EXOC4: variants seen among roughly 807,000 people sequenced by gnomAD.
EXOC4 encodes the protein exocyst complex component 4.
EXOC4 carries 71 observed loss-of-function variants against 107.2 expected under a neutral mutation model. The observed-to-expected ratio is 0.66, with a 90% CI of 0.55 to 0.81. EXOC4 has a LOEUF of 0.81. EXOC4 is among the 30% of genes least tolerant of loss of function. The pLI is 0.00. For synonymous variants in EXOC4, 456 were observed against 441.2 expected (o/e 1.03, Z -0.42); for missense variants, 1,108 against 1,189.6 (o/e 0.93, Z 1.01).
intron 6 of EXOC4, among the ~76,000 whole-genome samples, chr7:133,364,567 G>A (rs1017768725): frequency 6.6e-6 from 1 of 152,108 alleles, no homozygotes; most frequent in African/African-American, 2.4e-5. Flanking sequence ...CTAGAGAGTT[G>A]GAAATGCAAA....
rs534443513 is a variant in EXOC4 at position 133,469,702 on chromosome 7, C to T, written c.1183-5626C>T. Among the ~76,000 whole-genome samples, 4 of 152,236 alleles carry T rather than the reference C, an allele frequency of 2.6e-5. No individual in the cohort carries two copies. The East Asian group carries it at 5.8e-4, about 22-fold the overall frequency. ...AACTCATAGGGTAGAAAATCTTTGACCCTATCAGCAACTGGATGTGAGACC... is the reference window on the plus strand; with the variant it reads ...AACTCATAGGGTAGAAAATCTTTGATCCTATCAGCAACTGGATGTGAGACC... On this transcript the variant is annotated intron_variant, in intron 7 of 17. Coordinates refer to ENST00000253861, the MANE Select transcript of EXOC4 (RefSeq NM_021807.4).
At chr7:133,253,487 T>C in intron 1 of EXOC4, 1 of 1,121,816 alleles carries the variant, frequency 8.9e-7, no homozygotes, top group Non-Finnish European at 1.1e-6. Context: ...GAAAACCAGG[T>C]GTAAAGGTGT....
intron 17 of EXOC4, among the ~76,000 whole-genome samples, chr7:134,014,358 G>A (rs969618826): frequency 3.3e-5 from 5 of 152,128 alleles, no homozygotes; most frequent in African/African-American, 1.2e-4. Context: ...AGCCGAGATC[G>A]TGCCACTGCA....
chr7:133,578,039 C>T (rs1467900150), intron 9 of EXOC4, among the ~76,000 whole-genome samples: 4 of 152,106 alleles, frequency 2.6e-5, no homozygotes, highest in African/African-American at 9.7e-5. Context: ...TAATAACCCC[C>T]TAATAAATAG....
chr7:133,737,395 C>CTTT (rs1044229464), intron 10 of EXOC4, among the ~76,000 whole-genome samples: 1 of 149,326 alleles, frequency 6.7e-6, no homozygotes. Context: ...AGCCTTTAAA[C>CTTT]TTTTTTTTTT....
intron 9 of EXOC4, among the ~76,000 whole-genome samples, chr7:133,593,184 C>T (rs1801589619): frequency 6.6e-6 from 1 of 152,166 alleles, no homozygotes; most frequent in Non-Finnish European, 1.5e-5. Flanking sequence ...CAATTCTGTA[C>T]CATAGTAAGC....
intron 14 of EXOC4, among the ~76,000 whole-genome samples, chr7:133,990,455 T>G (rs1324658181): frequency 6.6e-6 from 1 of 152,112 alleles, no homozygotes; most frequent in Non-Finnish European, 1.5e-5. Flanking sequence ...TTTTATTCTT[T>G]TTGTTTGTTT....
At chr7:133,865,867 C>T (rs559681671) in intron 11 of EXOC4, among the ~76,000 whole-genome samples, 7 of 152,144 alleles carry the variant, frequency 4.6e-5, no homozygotes, top group Non-Finnish European at 7.3e-5. Flanking sequence ...CACTGAAGAT[C>T]GTAATTCAAT....
chr7:133,641,800 G>A (rs1447285174), intron 10 of EXOC4, among the ~76,000 whole-genome samples: 1 of 152,138 alleles, frequency 6.6e-6, no homozygotes, highest in Non-Finnish European at 1.5e-5. Context: ...TACAAAAATA[G>A]GCCACTAAAT....
At chr7:134,032,475 A>G (rs1486657847) in intron 17 of EXOC4, among the ~76,000 whole-genome samples, 5 of 152,074 alleles carry the variant, frequency 3.3e-5, no homozygotes, top group African/African-American at 7.2e-5. Context: ...TGCAGGAGCT[A>G]TTTCCCCTGC....
intron 12 of EXOC4, among the ~76,000 whole-genome samples, chr7:133,908,030 A>G (rs1041802269): frequency 3.9e-5 from 6 of 152,114 alleles, no homozygotes; most frequent in Non-Finnish European, 7.4e-5. Flanking sequence ...TTTCCAGTAC[A>G]TATCAGTTGC....
At chr7:133,405,620 C>G (rs1797199029) in intron 7 of EXOC4, among the ~76,000 whole-genome samples, 1 of 152,086 alleles carries the variant, frequency 6.6e-6, no homozygotes, top group African/African-American at 2.4e-5. Flanking sequence ...GGGATAATTT[C>G]CAGGCTCCTC....
intron 17 of EXOC4, among the ~76,000 whole-genome samples, chr7:134,042,579 C>T (rs577106133): frequency 7.2e-5 from 11 of 152,214 alleles, no homozygotes; most frequent in Non-Finnish European, 1.0e-4. Context: ...GCCAGGGAAC[C>T]GGATAAATTG....
At chr7:133,454,019 G>A (rs983028658) in intron 7 of EXOC4, among the ~76,000 whole-genome samples, 4 of 152,100 alleles carry the variant, frequency 2.6e-5, no homozygotes, top group Non-Finnish European at 4.4e-5. Context: ...AATTTTAACA[G>A]CACTGGCATT....
intron 10 of EXOC4, among the ~76,000 whole-genome samples, chr7:133,758,311 G>C (rs1017042704): frequency 6.6e-6 from 1 of 152,008 alleles, no homozygotes; most frequent in South Asian, 2.1e-4. Context: ...GCTAATTTTT[G>C]TATTTTTAAT....
chr7:133,394,971 G>C (rs1796938369), intron 7 of EXOC4, among the ~76,000 whole-genome samples: 2 of 151,988 alleles, frequency 1.3e-5, no homozygotes, highest in Admixed American at 1.3e-4. Flanking sequence ...TGCTGTATTT[G>C]AGTCAGTTTA....
chr7:133,921,329 A>C (rs529891283), intron 13 of EXOC4, among the ~76,000 whole-genome samples: 8 of 152,246 alleles, frequency 5.3e-5, no homozygotes, highest in Admixed American at 5.2e-4. Flanking sequence ...GTGAGGGAGG[A>C]TCTTCTTTAC....
chr7:133,331,935 C>T (rs1338360257), intron 5 of EXOC4, among the ~76,000 whole-genome samples: 1 of 152,074 alleles, frequency 6.6e-6, no homozygotes, highest in African/African-American at 2.4e-5. Context: ...AAACTAATGT[C>T]TAATTTAGAT....
At chr7:133,400,930 G>A in intron 7 of EXOC4, among the ~76,000 whole-genome samples, 1 of 152,204 alleles carries the variant, frequency 6.6e-6, no homozygotes, top group East Asian at 1.9e-4. Flanking sequence ...GAAAAGGTAT[G>A]AGACCTCAGA....
Sources: gnomAD v4.1 joint callset for allele counts (sites outside exome capture counted in the v4.1 genomes callset) on GRCh38, gnomAD v4.1.1 for gene constraint, MANE v1.5 for transcripts, NCBI Gene and HGNC (gene_info 2026-07-23, HGNC 2026-07-21) for gene names.